Variants in COL5A1 observed in about 807,000 individuals in gnomAD.
The protein encoded by COL5A1 is collagen type V alpha 1 chain, also known as collagen alpha-1(V) chain.
Under a neutral mutation model 263.7 loss-of-function variants are expected in COL5A1, and 16 were observed. That is an observed-to-expected ratio of 0.06 (90% CI 0.04 to 0.09). The LOEUF is 0.09. COL5A1 is among the 10% of genes least tolerant of loss of function. COL5A1 has a pLI of 1.00. For synonymous variants in COL5A1, 1,012 were observed against 1,004.5 expected (o/e 1.01, Z -0.14); for missense variants, 2,036 against 2,540.5 (o/e 0.80, Z 4.27).
At chr9:134,798,568 G>GA (rs373039975) in intron 37 of COL5A1, 107 bp downstream of exon 37, 1 of 835,764 alleles carries the variant, frequency 1.2e-6, no homozygotes, top group South Asian at 1.5e-5. Context: ...CCTGGCCTGG[G>GA]AGAGACAGGT....
chr9:134,767,705 A>T (rs1395239311), intron 24 of COL5A1, among the ~76,000 whole-genome samples: 1 of 152,196 alleles, frequency 6.6e-6, no homozygotes, highest in Non-Finnish European at 1.5e-5. Flanking sequence ...ATTTTGGTTT[A>T]GTCTAGTTTT....
intron 4 of COL5A1, among the ~76,000 whole-genome samples, chr9:134,726,134 C>T (rs374548860): frequency 1.5e-4 from 23 of 152,318 alleles, no homozygotes; most frequent in African/African-American, 5.5e-4. Flanking sequence ...CCTCCAAGCC[C>T]TCGGGGTCTA....
At chr9:134,766,562 G>A (rs1448287021) in intron 22 of COL5A1, 64 bp downstream of exon 22, 3 of 1,527,532 alleles carry the variant, frequency 2.0e-6, no homozygotes, top group Non-Finnish European at 1.8e-6. Flanking sequence ...CTCCTTGCCT[G>A]GCTAGGGAGG....
chr9:134,665,002 C>T (rs1832313967), intron 1 of COL5A1, among the ~76,000 whole-genome samples: 1 of 152,162 alleles, frequency 6.6e-6, no homozygotes, highest in African/African-American at 2.4e-5. Flanking sequence ...AGTTCGAGAC[C>T]AGCCTGGCCA....
intron 1 of COL5A1, among the ~76,000 whole-genome samples, chr9:134,675,374 T>C (rs1334965698): frequency 3.9e-5 from 6 of 152,228 alleles, no homozygotes; most frequent in African/African-American, 1.4e-4. Flanking sequence ...TTTGTGCCAG[T>C]TTGATGGGAG....
At chr9:134,767,884 T>C (rs1836733097) in intron 24 of COL5A1, among the ~76,000 whole-genome samples, 2 of 152,170 alleles carry the variant, frequency 1.3e-5, no homozygotes, top group Non-Finnish European at 1.5e-5. Context: ...TCCAAGGGGC[T>C]GGTTCTGAGT....
At chr9:134,672,628 C>T (rs542663249) in intron 1 of COL5A1, among the ~76,000 whole-genome samples, 1 of 152,294 alleles carries the variant, frequency 6.6e-6, no homozygotes, top group South Asian at 2.1e-4. Context: ...GGAACGTCTG[C>T]TCGTATCACA....
intron 38 of COL5A1, among the ~76,000 whole-genome samples, chr9:134,802,361 G>A (rs1838145918): frequency 6.6e-6 from 1 of 152,224 alleles, no homozygotes; most frequent in African/African-American, 2.4e-5. Flanking sequence ...TCACGGGCCT[G>A]CGATTCTAAC....
intron 60 of COL5A1, 143 bp from the exon 61 acceptor site, chr9:134,823,273 G>C: frequency 9.6e-7 from 1 of 1,040,024 alleles, no homozygotes. Flanking sequence ...GGGTACAGGG[G>C]TCTCTGCCAT....
At chr9:134,808,073 C>G (rs937429261) in intron 42 of COL5A1, among the ~76,000 whole-genome samples, 5 of 152,188 alleles carry the variant, frequency 3.3e-5, no homozygotes, top group African/African-American at 1.2e-4. Flanking sequence ...TTTGCATTCT[C>G]TGGCTTAAGT....
Position 134,696,170 on chromosome 9 carries a change from A to AATT in COL5A1, c.278-3720_278-3718dup, listed in dbSNP as rs555022941. On this transcript the variant is annotated intron_variant, in intron 2 of 65. Coordinates refer to ENST00000371817, the MANE Select transcript of COL5A1 (RefSeq NM_000093.5). The surrounding 1 kb of genome is among the most constrained non-coding windows in gnomAD (Gnocchi z 4.3). Reference sequence around the variant, plus strand: ...CCCCACTGCCCCCTGCATTATTTGCAATTATTATTATTATTATTATTGAGA... The same window carrying AATT: ...CCCCACTGCCCCCTGCATTATTTGCAATTATTATTATTATTATTATTATTGAGA... 0.012 allele frequency among the ~76,000 whole-genome samples: 1,785 copies of AATT among 151,218 alleles called. 33 individuals carry two copies. Among genetic ancestry groups the AATT allele is most frequent in the African/African-American group, 0.036 (1,470 of 41,172 alleles).
intron 1 of COL5A1, among the ~76,000 whole-genome samples, chr9:134,683,665 TGTGCAGGCCCCG>T (rs1832926649): frequency 6.6e-6 from 1 of 152,188 alleles, no homozygotes; most frequent in Non-Finnish European, 1.5e-5. Flanking sequence ...TGTGGGCTCC[TGTGCAGGCCCCG>T]GTCCTGCCCT....
In COL5A1 at chr9:134,690,742, G is replaced by A. The variant is rs539990097; in HGVS notation, c.110-170G>A. Among the ~76,000 whole-genome samples, 138 of 152,322 alleles carry A rather than the reference G, an allele frequency of 9.1e-4. 1 individual carries two copies. The highest frequency in any genetic ancestry group is 2.1e-3 in the South Asian group (10 of 4,824). On this transcript the variant is annotated intron_variant, in intron 1 of 65. Coordinates refer to ENST00000371817, the MANE Select transcript of COL5A1 (RefSeq NM_000093.5). ...GGATGGGACCCTCCTCCGCAGCGTGGTGCCCTGCCTCGCCCAGCACGCGGC... is the reference window on the plus strand; with the variant it reads ...GGATGGGACCCTCCTCCGCAGCGTGATGCCCTGCCTCGCCCAGCACGCGGC...
chr9:134,809,401 C>G (rs950516263), intron 43 of COL5A1, 111 bp downstream of exon 43: 1 of 832,998 alleles, frequency 1.2e-6, no homozygotes, highest in Non-Finnish European at 2.0e-6. Flanking sequence ...GCTCAGCCAG[C>G]GGAGTGATGC....
chr9:134,824,493 C>A, intron 61 of COL5A1, 107 bp from the exon 62 acceptor site: 2 of 1,437,528 alleles, frequency 1.4e-6, no homozygotes, highest in Non-Finnish European at 1.9e-6. Context: ...GGTTGCCAGG[C>A]CCCAGGGAAC....
chr9:134,751,177 G>T (rs1277379511), intron 13 of COL5A1, among the ~76,000 whole-genome samples: 1 of 151,614 alleles, frequency 6.6e-6, no homozygotes, highest in Non-Finnish European at 1.5e-5. Flanking sequence ...TCACTGTCCA[G>T]TAGGGACCCC....
At position 134,730,426 on chromosome 9, in the gene COL5A1, C is replaced by A. The variant is rs201829822; in HGVS notation, c.1115C>A (p.Ala372Asp). ...ENPDQPTDPGAGAEIPTSTAD... is the reference protein window; with the variant it reads ...ENPDQPTDPGDGAEIPTSTAD... The stretch of plus-strand genomic sequence containing the variant: ...CCCGACCAGCCCACAGACCCAGGCG[C>A]TGGGGCCGAAATTCCCACCAGCACC... The change falls in exon 7 of 66, where the codon GCT becomes GAT. Residue 372 changes from alanine to aspartate, a missense_variant. By Grantham distance (126) the Ala-to-Asp change is moderately radical (BLOSUM62 -2). Transcript: ENST00000371817. The A allele has an allele frequency of 4.3e-6, 7 of 1,614,154 alleles. No homozygotes were observed. Among genetic ancestry groups the A allele is most frequent in the Non-Finnish European group, 5.1e-6 (6 of 1,180,050 alleles).
chr9:134,756,553 G>A (rs996123600), intron 16 of COL5A1, among the ~76,000 whole-genome samples: 1 of 152,216 alleles, frequency 6.6e-6, no homozygotes, highest in African/African-American at 2.4e-5. Flanking sequence ...GACCAGCCCC[G>A]TGTGTTCCAT....
intron 42 of COL5A1, among the ~76,000 whole-genome samples, chr9:134,807,893 T>C (rs1326282067): frequency 6.6e-6 from 1 of 152,094 alleles, no homozygotes; most frequent in Admixed American, 6.5e-5. Flanking sequence ...AGAGTAAATA[T>C]TTGAGCAGAA....
Sources: allele counts gnomAD v4.1 joint callset (sites outside exome capture counted in the v4.1 genomes callset), GRCh38; gene constraint gnomAD v4.1.1; non-coding constraint Gnocchi (gnomAD v3.1); transcripts MANE v1.5; gene names NCBI Gene and HGNC (gene_info 2026-07-23, HGNC 2026-07-21).